TULP4: variants seen among roughly 807,000 people sequenced by gnomAD.
The protein encoded by TULP4 is TUB like protein 4, also known as tubby-related protein 4.
Under a neutral mutation model 129.0 loss-of-function variants are expected in TULP4, and 16 were observed. That is an observed-to-expected ratio of 0.12 (90% confidence interval 0.08 to 0.19). The LOEUF is 0.19. Among genes scored for constraint, TULP4 ranks in the 10% least tolerant of loss-of-function variants. The probability of loss-of-function intolerance (pLI) is 1.00; values close to 1 mark genes in which losing one functional copy is unlikely to be tolerated. For missense variants in TULP4, 1,842 were observed against 2,059.1 expected, an observed-to-expected ratio of 0.89 and a Z score of 2.04; for synonymous variants, 998 against 854.0, an observed-to-expected ratio of 1.17 and a Z score of -2.94.
chr6:158,278,106 C>G (rs1262729052), upstream of TULP4, among the ~76,000 whole-genome samples: 1 of 152,188 alleles, frequency 6.6e-6, no homozygotes, highest in Non-Finnish European at 1.5e-5. Context: ...ATCATAGGCA[C>G]GGAATAACTG....
intron 1 of TULP4, among the ~76,000 whole-genome samples, chr6:158,405,193 C>T (rs1393362654): frequency 1.3e-5 from 2 of 152,038 alleles, no homozygotes; most frequent in African/African-American, 2.4e-5. Flanking sequence ...TTTTTTCAGA[C>T]GTATGAGAAG....
intron 1 of TULP4, among the ~76,000 whole-genome samples, chr6:158,343,650 C>T (rs990143580): frequency 1.3e-5 from 2 of 152,186 alleles, no homozygotes; most frequent in Admixed American, 6.5e-5. Context: ...CCCCTGATCT[C>T]AGACTTCCAG....
At position 158,321,202 on chromosome 6, in the gene TULP4, G is replaced by T. The variant is rs2128486837; in HGVS notation, c.252+6934G>T. Among the ~76,000 whole-genome samples, 3 of 152,206 alleles carry T rather than the reference G, an allele frequency of 2.0e-5. 1 individual carries two copies. The Middle Eastern group carries it at 0.01, about 518-fold the overall frequency. On this transcript the variant is annotated intron_variant, in intron 1 of 13. Coordinates refer to ENST00000367097, the MANE Select transcript of TULP4 (RefSeq NM_020245.5). ...TTAAACTGCACTTGATGTCTCAGTAGCATCAGTAGAATTGAAATGTTGTCC... is the reference window on the plus strand; with the variant it reads ...TTAAACTGCACTTGATGTCTCAGTATCATCAGTAGAATTGAAATGTTGTCC...
At chr6:158,327,940 G>A (rs1366979133) in intron 1 of TULP4, among the ~76,000 whole-genome samples, 3 of 152,074 alleles carry the variant, frequency 2.0e-5, no homozygotes, top group African/African-American at 7.2e-5. Flanking sequence ...AATGACCTGG[G>A]GGAGAACCAG....
intron 1 of TULP4, among the ~76,000 whole-genome samples, chr6:158,363,263 A>C (rs1780842743): frequency 6.6e-6 from 1 of 152,110 alleles, no homozygotes; most frequent in Non-Finnish European, 1.5e-5. Context: ...TTGCTCTGGG[A>C]TCCAGATGTG....
At chr6:158,297,294 C>T (rs1477875555) in intron 1 of TULP4, among the ~76,000 whole-genome samples, 1 of 152,168 alleles carries the variant, frequency 6.6e-6, no homozygotes, top group Non-Finnish European at 1.5e-5. Context: ...ACCCCGCAGG[C>T]AGTCAGACCT....
chr6:158,468,000 C>T (rs1779591224), intron 6 of TULP4, among the ~76,000 whole-genome samples: 1 of 152,190 alleles, frequency 6.6e-6, no homozygotes, highest in African/African-American at 2.4e-5. Context: ...CTTGCAGACC[C>T]CTGACCCAGC....
At chr6:158,426,712 G>C (rs1778502594) in intron 2 of TULP4, among the ~76,000 whole-genome samples, 1 of 152,006 alleles carries the variant, frequency 6.6e-6, no homozygotes, top group Non-Finnish European at 1.5e-5. Flanking sequence ...GCTCTTTTTT[G>C]GTTCCATATG....
intron 3 of TULP4, among the ~76,000 whole-genome samples, chr6:158,439,440 T>C (rs1778831531): frequency 6.6e-6 from 1 of 151,772 alleles, no homozygotes; most frequent in African/African-American, 2.4e-5. Context: ...TTTCTCTTCC[T>C]CCCTAAGCAG....
At chr6:158,358,972 C>CT (rs1439316013) in intron 1 of TULP4, among the ~76,000 whole-genome samples, 2 of 152,186 alleles carry the variant, frequency 1.3e-5, no homozygotes, top group African/African-American at 2.4e-5. Context: ...ATGTGCCAAT[C>CT]TAAGCCGTTT....
rs139552584 is a variant in TULP4 at position 158,439,178 on chromosome 6, A to T, written c.543+9281A>T. Among the ~76,000 whole-genome samples the T allele has an allele frequency of 1.8e-3, 276 of 151,916 alleles. 4 individuals carry two copies. In the East Asian group the frequency reaches 0.024, roughly 13 times the overall value. On this transcript the variant is annotated intron_variant, in intron 3 of 13. Transcript: ENST00000367097. ...AGAGCAAGACTCCGTCTCAAAAAAA[A>T]AATAATAATAATTTACCGATATTTG...
intron 1 of TULP4, among the ~76,000 whole-genome samples, chr6:158,380,028 G>A (rs892757960): frequency 2.6e-5 from 4 of 152,136 alleles, no homozygotes; most frequent in African/African-American, 9.7e-5. Context: ...TTGTTTAAAA[G>A]AACAATGAAA....
chr6:158,236,802 T>TTC (rs1562489209), intron 1 of TULP4, among the ~76,000 whole-genome samples: 4 of 34,062 alleles, frequency 1.2e-4, no homozygotes, highest in African/African-American at 2.2e-4. Context: ...TTTCTTTTTT[T>TTC]TTTTTTTTTT....
At chr6:158,352,301 A>C (rs1466178828) in intron 1 of TULP4, among the ~76,000 whole-genome samples, 1 of 152,222 alleles carries the variant, frequency 6.6e-6, no homozygotes, top group Admixed American at 6.5e-5. Flanking sequence ...GTTGTTAATT[A>C]AAGGATATAA....
At chr6:158,244,409 T>C (rs544251860) in intron 1 of TULP4, among the ~76,000 whole-genome samples, 2 of 152,212 alleles carry the variant, frequency 1.3e-5, no homozygotes, top group South Asian at 2.1e-4. Context: ...AGTGTTTGAG[T>C]CCCCCTACCC....
intron 4 of TULP4, 103 bp from the exon 5 acceptor site, chr6:158,452,031 T>C (rs1440136550): frequency 9.8e-6 from 15 of 1,537,118 alleles, no homozygotes; most frequent in Non-Finnish European, 1.3e-5. Context: ...AGGATCTGCA[T>C]TGTCAGGCAA....
chr6:158,455,719 A>G (rs1434094337), intron 5 of TULP4, among the ~76,000 whole-genome samples: 1 of 148,218 alleles, frequency 6.7e-6, no homozygotes, highest in East Asian at 2.0e-4. Context: ...CCTGGGTAAC[A>G]GAGCAAGACT....
At chr6:158,443,925 TAAAA>T (rs1306260589) in intron 3 of TULP4, among the ~76,000 whole-genome samples, 1 of 152,066 alleles carries the variant, frequency 6.6e-6, no homozygotes, top group Non-Finnish European at 1.5e-5. Context: ...AGGGAGGTCT[TAAAA>T]AATTTTTTGG....
intron 2 of TULP4, among the ~76,000 whole-genome samples, chr6:158,429,217 C>G (rs905367749): frequency 6.6e-6 from 1 of 152,240 alleles, no homozygotes; most frequent in Admixed American, 6.5e-5. Flanking sequence ...TGGCTCACTG[C>G]AACCTCTTCT....
Sources: gnomAD v4.1 joint callset for allele counts (sites outside exome capture counted in the v4.1 genomes callset) on GRCh38, gnomAD v4.1.1 for gene constraint, MANE v1.5 for transcripts, NCBI Gene and HGNC (gene_info 2026-07-23, HGNC 2026-07-21) for gene names.